The following ACSM2A variants were observed in gnomAD, a reference collection of about 807,000 sequenced individuals.
ACSM2A encodes acyl-CoA synthetase medium chain family member 2A, also known as acyl-coenzyme A synthetase ACSM2A, mitochondrial.
A neutral mutation model predicts 76.6 loss-of-function variants in ACSM2A; 72 were observed. The observed-to-expected ratio is 0.94, with a 90% CI of 0.78 to 1.14. ACSM2A has a LOEUF of 1.14. Among genes scored for constraint, ACSM2A ranks in the 50% most tolerant of loss-of-function variants. The pLI, the probability that ACSM2A is intolerant of heterozygous loss-of-function variation, is 0.00. For missense variants in ACSM2A, 684 were observed against 708.5 expected (o/e 0.97, Z 0.39); for synonymous variants, 249 against 255.9 (o/e 0.97, Z 0.26).
At chr16:20,477,100 T>C (rs999032229) in intron 8 of ACSM2A, 163 of 422,780 alleles carry the variant, frequency 3.9e-4, no homozygotes, top group African/African-American at 1.3e-3. Flanking sequence ...TAAAATGTGG[T>C]TCCCCCTAAA....
At chr16:20,453,255 C>G (rs2011899248) in intron 1 of ACSM2A, 1 of 151,678 alleles carries the variant, frequency 6.6e-6, no homozygotes. Context: ...AGTCAGGGAC[C>G]CTGAATGGAG....
At chr16:20,473,024 C>A (rs1165399825) in intron 6 of ACSM2A, among the ~76,000 whole-genome samples, 6 of 152,120 alleles carry the variant, frequency 3.9e-5, no homozygotes. Context: ...TATCCTGTAG[C>A]AACAAAGCAA....
Position 20,471,528 on chromosome 16 carries a change from G to A in ACSM2A, c.741-8G>A, listed in dbSNP as rs1417073963. 1.2e-6 allele frequency: 2 copies of A among 1,608,272 alleles called. No individual in the cohort carries two copies. Among genetic ancestry groups the A allele is most frequent in the Non-Finnish European group, 1.7e-6 (2 of 1,176,902 alleles). On this transcript the variant is annotated splice_polypyrimidine_tract_variant and splice_region_variant and intron_variant, in intron 5 of 13. Transcript: ENST00000573854. Reference sequence around the variant, plus strand: ...CTATATGTACATGTGTTTTGTCTGTGTTTTCAGTTGGACAGGCCTGCAAGC... The same window carrying A: ...CTATATGTACATGTGTTTTGTCTGTATTTTCAGTTGGACAGGCCTGCAAGC...
Position 20,476,245 on chromosome 16 carries a change from A to G in ACSM2A, c.1098+472A>G, listed in dbSNP as rs1011514707. The G allele has an allele frequency of 3.0e-6, 3 of 995,272 alleles. No individual in the cohort carries two copies. In the African/African-American group the frequency reaches 5.3e-5, roughly 17 times the overall value. The allele number at this position is 995,272 out of a possible 1,614,324, so 61.7% of individuals were successfully genotyped here. A position where few individuals can be genotyped will look rare whatever the true frequency, so the allele number is the denominator to read the frequency against. ...ATGACTTTACTGCACCTCCTGACATATCTTCTTGGAACTCTTGAGGTCTCA... is the reference window on the plus strand; with the variant it reads ...ATGACTTTACTGCACCTCCTGACATGTCTTCTTGGAACTCTTGAGGTCTCA... On this transcript the variant is annotated intron_variant, in intron 8 of 13. Transcript: ENST00000573854.
At chr16:20,479,267 G>T (rs1020928891) in intron 10 of ACSM2A, among the ~76,000 whole-genome samples, 46 of 152,230 alleles carry the variant, frequency 3.0e-4, no homozygotes, top group African/African-American at 3.9e-4. Flanking sequence ...ATCCCTGAGA[G>T]AATTGATTAA....
At position 20,487,161 on chromosome 16, in the gene ACSM2A, A is replaced by G. The variant is rs2014422970; in HGVS notation, c.*483A>G. The G allele has an allele frequency of 6.6e-6, 1 of 151,852 alleles. No individual in the cohort carries two copies. The highest frequency in any genetic ancestry group is 2.1e-4 in the South Asian group (1 of 4,794). The allele number at this position is 151,852 out of a possible 1,614,324, so 9.4% of individuals were successfully genotyped here. On this transcript the variant is annotated 3_prime_UTR_variant, in exon 14 of 14. Transcript: ENST00000573854. ...AAGAAAGAGAGGGAGAAAGAGAGGG[A>G]GAAAGGGAGAGAAAAAAATTGTAAA...
chr16:20,459,105 C>A (rs1273607504), intron 1 of ACSM2A, among the ~76,000 whole-genome samples: 1 of 151,108 alleles, frequency 6.6e-6, no homozygotes, highest in Non-Finnish European at 1.5e-5. Context: ...TACATTGGTG[C>A]AAAGGCATGA....
At position 20,461,814 on chromosome 16, in the gene ACSM2A, A is replaced by T. The variant is rs188881380; in HGVS notation, c.177+1523A>T. Among the ~76,000 whole-genome samples the T allele has an allele frequency of 1.2e-3, 181 of 152,244 alleles. 1 individual carries two copies. The highest frequency in any genetic ancestry group is 4.0e-3 in the African/African-American group (167 of 41,520). On this transcript the variant is annotated intron_variant, in intron 2 of 13. Coordinates refer to ENST00000573854, the MANE Select transcript of ACSM2A (RefSeq NM_001308172.2). Reference sequence around the variant, plus strand: ...AGGTTGTTTTTTTCTTTCAGAAAAAATAGTTTAATTATCACAAGACATCTT... The same window carrying T: ...AGGTTGTTTTTTTCTTTCAGAAAAATTAGTTTAATTATCACAAGACATCTT...
In ACSM2A at chr16:20,471,627, G is replaced by T. The variant is rs368797865; in HGVS notation, c.832G>T (p.Ala278Ser). 5.7e-5 allele frequency: 92 copies of T among 1,613,926 alleles called. No individual in the cohort carries two copies. The highest frequency in any genetic ancestry group is 1.0e-5 in the Non-Finnish European group (12 of 1,179,942). Residue 278 changes from alanine (A) to serine (S), a missense_variant, in exon 6 of 14, where the codon GCA becomes TCA. Ala to Ser is a moderately conservative substitution (Grantham distance 99). Coordinates refer to ENST00000573854, the MANE Select transcript of ACSM2A (RefSeq NM_001308172.2). ...CTTGTGCTCACTTATGGAACCTTGG[G>T]CATTAGGAGCATGCACATTTGTTCA... ...NILCSLMEPWALGACTFVHLL... is the reference protein window; with the variant it reads ...NILCSLMEPWSLGACTFVHLL...
chr16:20,465,469 T>A lies in ACSM2A; in HGVS notation c.178-48T>A, dbSNP rs111564290. ...CCCAAGACTTGGAATTTATCCTACC[T>A]GCTTGTGTACCAATGCCCCCTGATC... On this transcript the variant is annotated intron_variant, in intron 2 of 13. Coordinates refer to ENST00000573854, the MANE Select transcript of ACSM2A (RefSeq NM_001308172.2). 2,252 of 1,598,996 alleles carry A rather than the reference T, an allele frequency of 1.4e-3. 27 individuals are homozygous for A. The African/African-American group carries it at 0.027, about 19-fold the overall frequency.
chr16:20,469,445 A>G (rs1459007109), intron 3 of ACSM2A, 67 bp from the exon 4 acceptor site: 22 of 1,600,382 alleles, frequency 1.4e-5, no homozygotes, highest in Middle Eastern at 1.7e-4. Context: ...CTTGATGTTT[A>G]TCTCAGGCTT....
intron 1 of ACSM2A, among the ~76,000 whole-genome samples, chr16:20,455,236 A>T (rs2012070861): frequency 6.6e-6 from 1 of 151,218 alleles, no homozygotes; most frequent in Admixed American, 6.6e-5. Context: ...GGAAATAATC[A>T]AGGAAAACTT....
intron 2 of ACSM2A, among the ~76,000 whole-genome samples, chr16:20,464,314 G>A (rs1011437607): frequency 2.0e-5 from 3 of 151,840 alleles, no homozygotes; most frequent in Non-Finnish European, 2.9e-5. Context: ...ACCAATTTTC[G>A]GTCTCAGACT....
At chr16:20,458,551 C>T in intron 1 of ACSM2A, among the ~76,000 whole-genome samples, 2 of 137,440 alleles carry the variant, frequency 1.5e-5, no homozygotes, top group African/African-American at 2.7e-5. Context: ...TGTATAATAC[C>T]CATATATTAT....
rs1347011035 is a variant in ACSM2A, at chr16:20,483,147, A to T, written c.1599A>T (p.Ser533=). The T allele has an allele frequency of 6.2e-7, 1 of 1,614,106 alleles. No individual in the cohort carries two copies. The highest frequency in any genetic ancestry group is 1.7e-5 in the Admixed American group (1 of 60,020). ...LTKELQQHVK[S]VTAPYKYPRK... is the part of the protein sequence containing the mutation. ...AGGAGCTGCAGCAGCATGTGAAGTCAGTGACAGCCCCATACAAGTACCCAA... is the reference window on the plus strand; with the variant it reads ...AGGAGCTGCAGCAGCATGTGAAGTCTGTGACAGCCCCATACAAGTACCCAA... Residue 533 remains serine (S), a synonymous_variant, in exon 13 of 14, where the codon TCA becomes TCT. Coordinates refer to ENST00000573854, the MANE Select transcript of ACSM2A (RefSeq NM_001308172.2).
chr16:20,485,533 T>C (rs1175054071), intron 13 of ACSM2A, among the ~76,000 whole-genome samples: 2 of 152,196 alleles, frequency 1.3e-5, no homozygotes, highest in African/African-American at 4.8e-5. Flanking sequence ...TTGTTGCAAC[T>C]ACTCAACTTT....
intron 3 of ACSM2A, among the ~76,000 whole-genome samples, chr16:20,466,200 T>A (rs528683622): frequency 1.3e-5 from 2 of 152,206 alleles, no homozygotes; most frequent in South Asian, 4.1e-4. Flanking sequence ...GAGTGTCTTA[T>A]CCACAAAACC....
rs766652378 is a variant in ACSM2A, at chr16:20,478,650, G to A, written c.1254G>A (p.Arg418=). The A allele has an allele frequency of 1.2e-6, 2 of 1,613,438 alleles. No homozygotes were observed. The highest frequency in any genetic ancestry group is 1.7e-6 in the Non-Finnish European group (2 of 1,179,564). Residue 418 remains arginine (R), a synonymous_variant, in exon 10 of 14, where the codon AGG becomes AGA. Coordinates refer to ENST00000573854, the MANE Select transcript of ACSM2A (RefSeq NM_001308172.2). ...TTGGCATCAGGGTCAAACCCATCAG[G>A]CCTATAGGCATCTTCTCTGGCTATG... The part of the protein sequence containing the change: ...GDIGIRVKPI[R]PIGIFSGYVD...
rs1407483964 is a variant in ACSM2A, at chr16:20,483,247, T to C, written c.1629+70T>C. On this transcript the variant is annotated intron_variant, in intron 13 of 13. Transcript: ENST00000573854. ...TTGTTTTCCTGTTATATTTATCTTC[T>C]TCAGGAGGAGGACAGTCCTCTAATT... is the stretch of plus-strand genomic sequence containing the variant. 30 of 1,589,596 alleles carry C rather than the reference T, an allele frequency of 1.9e-5. 1 individual carries two copies. Among genetic ancestry groups the C allele is most frequent in the Non-Finnish European group, 2.6e-5 (30 of 1,164,740 alleles).
Sources: allele counts gnomAD v4.1 joint callset (sites outside exome capture counted in the v4.1 genomes callset), GRCh38; gene constraint gnomAD v4.1.1; transcripts MANE v1.5; gene names NCBI Gene and HGNC (gene_info 2026-07-23, HGNC 2026-07-21).